The following RNF214 variants were observed in gnomAD, a reference collection of about 807,000 sequenced individuals.
The protein encoded by RNF214 is ring finger protein 214.
Under a neutral mutation model 75.9 loss-of-function variants are expected in RNF214, and 25 were observed. That is an observed-to-expected ratio of 0.33 (90% CI 0.24 to 0.46). The LOEUF is 0.46. Among genes scored for constraint, RNF214 ranks in the 20% least tolerant of loss-of-function variants. The pLI is 1.00. For missense variants in RNF214, 725 were observed against 857.5 expected (o/e 0.85, Z 1.93); for synonymous variants, 314 against 308.8 (o/e 1.02, Z -0.18).
intron 6 of RNF214, among the ~76,000 whole-genome samples, chr11:117,255,510 TA>T (rs1185952397): frequency 6.6e-6 from 1 of 152,122 alleles, no homozygotes; most frequent in Non-Finnish European, 1.5e-5. Context: ...TTCTTGTTTT[TA>T]TTCTTTAATT....
intron 6 of RNF214, among the ~76,000 whole-genome samples, chr11:117,250,896 A>G (rs2033361216): frequency 6.8e-6 from 1 of 147,436 alleles, no homozygotes. Flanking sequence ...CCCTGAGTGG[A>G]TACAGCACAT....
At chr11:117,264,840 G>T (rs1181048340) in intron 6 of RNF214, among the ~76,000 whole-genome samples, 1 of 151,932 alleles carries the variant, frequency 6.6e-6, no homozygotes, top group Non-Finnish European at 1.5e-5. Context: ...AAGGTGGGCG[G>T]ATCACCTGAG....
chr11:117,268,152 G>A (rs1002314639), intron 6 of RNF214, among the ~76,000 whole-genome samples: 1 of 152,180 alleles, frequency 6.6e-6, no homozygotes, highest in Non-Finnish European at 1.5e-5. Flanking sequence ...CTTTATTATG[G>A]TAATTGGGGA....
At chr11:117,266,494 G>A (rs1212367481) in intron 6 of RNF214, among the ~76,000 whole-genome samples, 1 of 151,998 alleles carries the variant, frequency 6.6e-6, no homozygotes, top group Non-Finnish European at 1.5e-5. Flanking sequence ...CAAGTAGCTA[G>A]GACCACAGGC....
chr11:117,245,560 T>G (rs984235761), intron 5 of RNF214, among the ~76,000 whole-genome samples: 2 of 152,040 alleles, frequency 1.3e-5, no homozygotes, highest in Middle Eastern at 3.4e-3. Flanking sequence ...GCCAGGATGG[T>G]CTCGATCTCC....
chr11:117,236,418 C>T (rs1257012179), intron 2 of RNF214, among the ~76,000 whole-genome samples: 3 of 152,116 alleles, frequency 2.0e-5, no homozygotes, highest in Non-Finnish European at 4.4e-5. Flanking sequence ...GGACAACAGG[C>T]GCCCGCCACC....
chr11:117,241,412 T>C (rs375037987), intron 4 of RNF214, among the ~76,000 whole-genome samples: 8 of 151,884 alleles, frequency 5.3e-5, no homozygotes, highest in Admixed American at 2.6e-4. Flanking sequence ...AAACCCCATC[T>C]CTACTAAAAA....
In RNF214 at chr11:117,281,923, C is replaced by G. The variant is rs190453267; in HGVS notation, c.1365C>G (p.Pro455=). The change falls in exon 11 of 15, where the codon CCC becomes CCG. Residue 455 remains proline, a synonymous_variant. Coordinates refer to ENST00000300650, the MANE Select transcript of RNF214 (RefSeq NM_207343.4). ...ETDFMLQVFQ[P]SPSLAPRMPF... The stretch of plus-strand genomic sequence containing the variant: ...ACTTCATGCTTCAGGTGTTTCAACC[C>G]AGTCCCTCTCTGGCTCCTCGGATGC... The G allele has an allele frequency of 5.6e-6, 9 of 1,613,976 alleles. No individual in the cohort carries two copies. The South Asian group carries it at 6.6e-5, about 12-fold the overall frequency.
intron 6 of RNF214, among the ~76,000 whole-genome samples, chr11:117,262,326 A>G (rs2033685201): frequency 6.6e-6 from 1 of 151,250 alleles, no homozygotes; most frequent in African/African-American, 2.4e-5. Context: ...TGACTTGGTG[A>G]TCTGCCTGCC....
intron 4 of RNF214, among the ~76,000 whole-genome samples, chr11:117,241,904 A>G (rs1002961345): frequency 6.6e-6 from 1 of 152,224 alleles, no homozygotes; most frequent in Non-Finnish European, 1.5e-5. Context: ...CAGTATAATT[A>G]CTTTATAATA....
At chr11:117,278,783 C>A (rs564262178) in intron 6 of RNF214, among the ~76,000 whole-genome samples, 222 of 152,256 alleles carry the variant, frequency 1.5e-3, no homozygotes, top group Admixed American at 2.7e-3. Context: ...TAGTGATTTG[C>A]TGCATTAAGG....
In RNF214 at chr11:117,282,784, G is replaced by T; in HGVS notation, c.1884G>T (p.Leu628=). Residue 628 remains leucine (L), a synonymous_variant, in exon 13 of 15, where the codon CTG becomes CTT. Transcript: ENST00000300650. The stretch of plus-strand genomic sequence containing the variant: ...TCCGGGCCTTGTTCCCTGCTCCACT[G>T]GCCCAAATCAGTACCCCAATGTTCT... ...GRIRALFPAP[L]AQISTPMFLP... The T allele has an allele frequency of 1.2e-6, 2 of 1,614,030 alleles. No individual in the cohort carries two copies. The highest frequency in any genetic ancestry group is 1.7e-6 in the Non-Finnish European group (2 of 1,180,008).
intron 4 of RNF214, among the ~76,000 whole-genome samples, chr11:117,242,466 G>A (rs1404426305): frequency 2.0e-5 from 3 of 152,190 alleles, no homozygotes; most frequent in Non-Finnish European, 4.4e-5. Context: ...AGGAACGAAT[G>A]GAAACCCAGC....
chr11:117,247,222 G>C (rs536744380), intron 6 of RNF214, among the ~76,000 whole-genome samples: 140 of 152,280 alleles, frequency 9.2e-4, no homozygotes, highest in African/African-American at 3.2e-3. Flanking sequence ...GGACGTAGCG[G>C]CTCACACCTA....
At chr11:117,258,999 C>T (rs967035778) in intron 6 of RNF214, among the ~76,000 whole-genome samples, 1 of 152,056 alleles carries the variant, frequency 6.6e-6, no homozygotes, top group African/African-American at 2.4e-5. Context: ...CTCTGTCGTC[C>T]AAGCTGGAGT....
intron 14 of RNF214, 47 bp downstream of exon 14, chr11:117,283,257 A>G (rs1309878314): frequency 1.6e-6 from 2 of 1,263,050 alleles, no homozygotes; most frequent in Admixed American, 4.0e-5. Context: ...TTCTTCTGAC[A>G]GCTAAAATAA....
At chr11:117,248,697 A>G (rs1004801900) in intron 6 of RNF214, among the ~76,000 whole-genome samples, 1 of 152,196 alleles carries the variant, frequency 6.6e-6, no homozygotes, top group Non-Finnish European at 1.5e-5. Flanking sequence ...TCCAGAAATT[A>G]TGAGGAGTGT....
rs539088471 is a variant in RNF214, at chr11:117,266,547, A to G, written c.960-13361A>G. ...GCTAATTTTTGTATTTTGTTCAGAG[A>G]CAGGGGTTTGCCATGTCGCCCAGGC... On this transcript the variant is annotated intron_variant, in intron 6 of 14. Transcript: ENST00000300650. Among the ~76,000 whole-genome samples, 3 of 152,070 alleles carry G rather than the reference A, an allele frequency of 2.0e-5. No homozygotes were observed. The South Asian group carries it at 6.2e-4, about 32-fold the overall frequency.
At chr11:117,258,109 CAG>C (rs1350638451) in intron 6 of RNF214, among the ~76,000 whole-genome samples, 1 of 150,788 alleles carries the variant, frequency 6.6e-6, no homozygotes, top group African/African-American at 2.4e-5. Flanking sequence ...TTTTTTGAGA[CAG>C]AGTCTCGCTC....
Sources: gnomAD v4.1 joint callset for allele counts (sites outside exome capture counted in the v4.1 genomes callset) on GRCh38, gnomAD v4.1.1 for gene constraint, MANE v1.5 for transcripts, NCBI Gene and HGNC (gene_info 2026-07-23, HGNC 2026-07-21) for gene names.